AFF1: variants seen among roughly 807,000 people sequenced by gnomAD.
The protein encoded by AFF1 is ALF transcription elongation factor 1.
AFF1 carries 48 observed loss-of-function variants against 121.7 expected under a neutral mutation model. That is an observed-to-expected ratio of 0.39 (90% CI 0.31 to 0.50). AFF1 has a LOEUF of 0.50. Among genes scored for constraint, AFF1 ranks in the 20% least tolerant of loss-of-function variants. AFF1 has a pLI of 0.76. For missense variants in AFF1, 1,523 were observed against 1,511.7 expected (o/e 1.01, Z -0.12); for synonymous variants, 613 against 563.0 (o/e 1.09, Z -1.26).
chr4:87,047,004 AGCTGCG>A lies in AFF1; in HGVS notation c.472_477del (p.Cys158_Gly159del), dbSNP rs1442490166. ...ACCAATGCCAAGTCTCCATGCCAAA[AGCTGCG>A]GCCCACCGGACAGCCAGCACCTGAC... On this transcript the variant is annotated inframe_deletion, in exon 4 of 21. Transcript: ENST00000395146. 1 of 1,614,194 alleles carries A rather than the reference AGCTGCG, an allele frequency of 6.2e-7. No homozygotes were observed. The highest frequency in any genetic ancestry group is 8.5e-7 in the Non-Finnish European group (1 of 1,180,032).
chr4:87,088,254 G>A (rs1187312677), intron 5 of AFF1, among the ~76,000 whole-genome samples: 2 of 152,186 alleles, frequency 1.3e-5, no homozygotes, highest in South Asian at 4.1e-4. Flanking sequence ...GAACAAAGCA[G>A]ATGGCCAGTC....
At chr4:87,007,019 G>T in intron 2 of AFF1, 1 of 1,135,846 alleles carries the variant, frequency 8.8e-7, no homozygotes, top group Non-Finnish European at 1.1e-6. Context: ...ACTGTGGCCC[G>T]CGTTGTGCTG....
At position 87,122,405 on chromosome 4, in the gene AFF1, T is replaced by C. The variant is rs60501347; in HGVS notation, c.2467-2632T>C. Among the ~76,000 whole-genome samples the C allele has an allele frequency of 4.2e-3, 638 of 152,322 alleles. 5 individuals are homozygous for C. The highest frequency in any genetic ancestry group is 0.015 in the African/African-American group (605 of 41,574). ...TCTCTCAAGTGTTAGCACTCTGAGT[T>C]GTTGAACGGAGGTTTGTATGCTGCG... is the stretch of plus-strand genomic sequence containing the variant. On this transcript the variant is annotated intron_variant, in intron 12 of 20. Transcript: ENST00000395146.
intron 19 of AFF1, 99 bp downstream of exon 19, chr4:87,132,507 G>T: frequency 7.9e-7 from 1 of 1,262,174 alleles, no homozygotes. Context: ...ATGTCACTTT[G>T]CCTTTTCAAA....
intron 2 of AFF1, among the ~76,000 whole-genome samples, chr4:86,982,180 A>G (rs1344355047): frequency 1.3e-5 from 2 of 152,236 alleles, no homozygotes; most frequent in Admixed American, 6.5e-5. Context: ...GATGTCCCAG[A>G]GGAAGTGGTG....
intron 2 of AFF1, among the ~76,000 whole-genome samples, chr4:86,999,788 G>A (rs1214192597): frequency 6.6e-6 from 1 of 152,004 alleles, no homozygotes; most frequent in Admixed American, 6.5e-5. Flanking sequence ...GTGGTCACTG[G>A]CATCATAAAG....
chr4:87,106,416 A>G (rs569033281), intron 10 of AFF1, among the ~76,000 whole-genome samples: 1 of 152,284 alleles, frequency 6.6e-6, no homozygotes, highest in East Asian at 1.9e-4. Context: ...TTAAAATACA[A>G]TTTATCATCA....
At chr4:86,996,824 G>A (rs1005394985) in intron 2 of AFF1, among the ~76,000 whole-genome samples, 2 of 152,248 alleles carry the variant, frequency 1.3e-5, no homozygotes, top group South Asian at 2.1e-4. Context: ...TGATTGGATC[G>A]TGAAGGATCT....
At chr4:87,049,677 T>TG (rs901346081) in intron 4 of AFF1, 17 of 456,174 alleles carry the variant, frequency 3.7e-5, no homozygotes, top group African/African-American at 3.2e-4. Flanking sequence ...TTTAATGCGG[T>TG]GGTTCCCTCT....
chr4:87,104,747 G>A (rs1312048812), intron 8 of AFF1, among the ~76,000 whole-genome samples: 1 of 152,160 alleles, frequency 6.6e-6, no homozygotes, highest in Non-Finnish European at 1.5e-5. Flanking sequence ...TAATTTGCCG[G>A]TGGAGTTTTT....
intron 20 of AFF1, 74 bp downstream of exon 20, chr4:87,134,768 A>AT: frequency 2.3e-6 from 3 of 1,280,364 alleles, no homozygotes; most frequent in Non-Finnish European, 3.3e-6. Flanking sequence ...TTTATATTTT[A>AT]TAAGTTCAGT....
At chr4:86,980,269 A>G (rs1439886376) in intron 2 of AFF1, among the ~76,000 whole-genome samples, 2 of 152,218 alleles carry the variant, frequency 1.3e-5, no homozygotes, top group South Asian at 2.1e-4. Context: ...CCAGAAGTCT[A>G]TTCATTACAA....
intron 2 of AFF1, among the ~76,000 whole-genome samples, chr4:86,964,640 G>A (rs904694666): frequency 6.7e-6 from 1 of 150,196 alleles, no homozygotes; most frequent in Non-Finnish European, 1.5e-5. Context: ...CTCCACGTTG[G>A]TCAGGCTGGT....
In AFF1 at chr4:87,126,296, G is replaced by C; in HGVS notation, c.2771G>C (p.Arg924Thr). 1.2e-6 allele frequency: 2 copies of C among 1,614,130 alleles called. No homozygotes were observed. The highest frequency in any genetic ancestry group is 1.7e-6 in the Non-Finnish European group (2 of 1,180,034). Residue 924 changes from arginine (R) to threonine (T), a missense_variant, in exon 14 of 21, where the codon AGA becomes ACA. Around this residue, in one of 5 missense-constraint regions of AFF1, gnomAD observed 905 missense variants for 842.5 expected, o/e 1.07. Transcript: ENST00000395146. ...HKDSSIPKQR[R>T]VEGKGSRSSS... ...GACTCTTCCATTCCCAAGCAGAGAA[G>C]AGTAGAGGGGAAGGGCTCCAGAAGC...
chr4:86,947,730 ATCTG>A (rs1720967644), intron 1 of AFF1, among the ~76,000 whole-genome samples: 1 of 152,186 alleles, frequency 6.6e-6, no homozygotes, highest in Non-Finnish European at 1.5e-5. Flanking sequence ...TACCAAGACT[ATCTG>A]CCCAGATTGG....
At chr4:87,013,736 T>C (rs1727032624) in intron 2 of AFF1, among the ~76,000 whole-genome samples, 2 of 151,258 alleles carry the variant, frequency 1.3e-5, no homozygotes, top group African/African-American at 2.4e-5. Flanking sequence ...AGTAAAAGGC[T>C]ATTTTAGGGG....
At chr4:87,104,041 C>CT (rs1264538005) in intron 8 of AFF1, among the ~76,000 whole-genome samples, 1 of 152,140 alleles carries the variant, frequency 6.6e-6, no homozygotes, top group Non-Finnish European at 1.5e-5. Context: ...TGTTGAGTGA[C>CT]TTTTTTTGTA....
At position 87,046,939 on chromosome 4, in the gene AFF1, A is replaced by G. The variant is rs1730756224; in HGVS notation, c.404A>G (p.Asn135Ser). Residue 135 changes from asparagine to serine, a missense_variant, in exon 4 of 21, where the codon AAC (asparagine) becomes AGC (serine). Asn to Ser is a conservative substitution (Grantham distance 46). Transcript: ENST00000395146. ...TPASGPLSVG[N>S]ISHNPKMAQP... Reference sequence around the variant, plus strand: ...GCGTCTGGACCACTTTCTGTTGGCAACATTAGCCACAATCCAAAGATGGCG... The same window carrying G: ...GCGTCTGGACCACTTTCTGTTGGCAGCATTAGCCACAATCCAAAGATGGCG... The G allele has an allele frequency of 2.5e-6, 4 of 1,614,110 alleles. No individual in the cohort carries two copies. Among genetic ancestry groups the G allele is most frequent in the South Asian group, 2.2e-5 (2 of 91,094 alleles).
At chr4:86,951,615 C>CTT (rs748093135) in intron 2 of AFF1, among the ~76,000 whole-genome samples, 1,404 of 124,616 alleles carry the variant, frequency 0.011, 82 homozygotes, top group Middle Eastern at 0.027. Context: ...TTTCTTTTTT[C>CTT]TTTTTTTCTT....
Sources: gnomAD v4.1 joint callset for allele counts (sites outside exome capture counted in the v4.1 genomes callset) on GRCh38, gnomAD v4.1.1 for gene constraint, gnomAD v4.1.1 regional missense constraint, MANE v1.5 for transcripts, NCBI Gene and HGNC (gene_info 2026-07-23, HGNC 2026-07-21) for gene names.